The following USP25 variants were observed in gnomAD, a reference collection of about 807,000 sequenced individuals.
The protein encoded by USP25 is ubiquitin specific peptidase 25.
USP25 carries 85 observed loss-of-function variants against 158.5 expected under a neutral mutation model. The observed-to-expected ratio is 0.54, with a 90% CI of 0.45 to 0.64. USP25 has a LOEUF of 0.64. Ranked by LOEUF, USP25 falls within the 30% of genes least tolerant of loss-of-function variation. The pLI is 0.00. For missense variants in USP25, 1,242 were observed against 1,327.3 expected (o/e 0.94, Z 1.00); for synonymous variants, 464 against 460.4 (o/e 1.01, Z -0.10).
chr21:15,787,857 A>G (rs1210482553), intron 4 of USP25, among the ~76,000 whole-genome samples: 1 of 151,320 alleles, frequency 6.6e-6, no homozygotes, highest in Non-Finnish European at 1.5e-5. Context: ...TTACTGCTAT[A>G]GGCAATTTAA....
chr21:15,874,904 T>C (rs111271349), intron 24 of USP25, among the ~76,000 whole-genome samples: 12,108 of 152,224 alleles, frequency 0.08, 1,571 homozygotes, highest in African/African-American at 0.27. Flanking sequence ...CAGCAGCTCA[T>C]GCCTGTAATC....
At chr21:15,772,825 T>A (rs2034433634) in intron 3 of USP25, among the ~76,000 whole-genome samples, 1 of 152,170 alleles carries the variant, frequency 6.6e-6, no homozygotes, top group Admixed American at 6.5e-5. Context: ...ATGTGAGGTA[T>A]CTTTCAGGAT....
chr21:15,817,338 CT>C (rs2036993976), intron 9 of USP25, among the ~76,000 whole-genome samples: 1 of 152,028 alleles, frequency 6.6e-6, no homozygotes, highest in African/African-American at 2.4e-5. Context: ...AATTTTATCT[CT>C]TTTCTGTATT....
At chr21:15,799,578 T>C (rs1175971564) in intron 5 of USP25, 179 bp from the exon 6 acceptor site, 1 of 435,834 alleles carries the variant, frequency 2.3e-6, no homozygotes, top group African/African-American at 2.0e-5. Flanking sequence ...TCAAGAATGG[T>C]ATGTCAAATA....
intron 10 of USP25, among the ~76,000 whole-genome samples, chr21:15,822,406 T>TG (rs1445782471): frequency 6.6e-6 from 1 of 151,958 alleles, no homozygotes; most frequent in Non-Finnish European, 1.5e-5. Flanking sequence ...AACATCCTTT[T>TG]GTAAGGTATG....
At chr21:15,878,071 A>AT (rs2040169372) in intron 25 of USP25, 80 bp downstream of exon 25, 2 of 1,173,212 alleles carry the variant, frequency 1.7e-6, no homozygotes, top group Non-Finnish European at 2.4e-6. Context: ...TATTCTTGCC[A>AT]TTTTTTATAT....
chr21:15,747,876 T>A (rs1255060210), intron 1 of USP25, among the ~76,000 whole-genome samples: 1 of 152,266 alleles, frequency 6.6e-6, no homozygotes, highest in East Asian at 1.9e-4. Flanking sequence ...GGGAAACTAC[T>A]GTATATGTTT....
Position 15,816,660 on chromosome 21 carries a change from T to C in USP25, c.932-2038T>C, listed in dbSNP as rs1169805038. ...CTCATTCAGTGCCTTAATTTCCTGC[T>C]GTCAATAAGCCAGCAATTCTATCTT... On this transcript the variant is annotated intron_variant, in intron 9 of 25. Coordinates refer to ENST00000400183, the MANE Select transcript of USP25 (RefSeq NM_001283041.3). The surrounding 1 kb of genome is among the most constrained non-coding windows in gnomAD (Gnocchi z 4.0). 6.6e-6 allele frequency among the ~76,000 whole-genome samples: 1 copy of C among 152,228 alleles called. No homozygotes were observed. Among genetic ancestry groups the C allele is most frequent in the African/African-American group, 2.4e-5 (1 of 41,458 alleles).
At chr21:15,730,708 C>T (rs1230794310) in intron 1 of USP25, among the ~76,000 whole-genome samples, 4 of 152,240 alleles carry the variant, frequency 2.6e-5, no homozygotes, top group African/African-American at 9.6e-5. Flanking sequence ...GCGACCCTCA[C>T]ATTCCTACAG....
chr21:15,842,551 T>C lies in USP25; in HGVS notation c.2337+11T>C, dbSNP rs1327933797. On this transcript the variant is annotated intron_variant, in intron 18 of 25. Transcript: ENST00000400183. Reference sequence around the variant, plus strand: ...ACAGTTTTGCAGTCGGTAAGAACTTTTCTTTTGGCTCTCTGAACATAGCCA... The same window carrying C: ...ACAGTTTTGCAGTCGGTAAGAACTTCTCTTTTGGCTCTCTGAACATAGCCA... The C allele has an allele frequency of 6.2e-7, 1 of 1,612,374 alleles. No homozygotes were observed. Among genetic ancestry groups the C allele is most frequent in the Non-Finnish European group, 8.5e-7 (1 of 1,179,132 alleles).
At chr21:15,874,228 A>G (rs2040009732) in intron 23 of USP25, among the ~76,000 whole-genome samples, 175 bp from the exon 24 acceptor site, 1 of 152,122 alleles carries the variant, frequency 6.6e-6, no homozygotes, top group Admixed American at 6.5e-5. Flanking sequence ...TGGGTTTCAG[A>G]TGTTGCTGTT....
At chr21:15,740,084 A>C (rs2123206945) in intron 1 of USP25, among the ~76,000 whole-genome samples, 1 of 152,310 alleles carries the variant, frequency 6.6e-6, no homozygotes, top group Admixed American at 6.5e-5. Context: ...CTATAGGTTT[A>C]GATCAGTTTC....
In USP25 at chr21:15,831,499, G is replaced by T. The variant is rs752791211; in HGVS notation, c.1863G>T (p.Met621Ile). The T allele has an allele frequency of 1.9e-6, 3 of 1,614,110 alleles. No individual in the cohort carries two copies. The East Asian group carries it at 6.7e-5, about 36-fold the overall frequency. The change falls in exon 16 of 26, where the codon ATG (methionine) becomes ATT (isoleucine). Residue 621 changes from methionine (M) to isoleucine (I), a missense_variant. Met to Ile is a conservative substitution (Grantham distance 10). Coordinates refer to ENST00000400183, the MANE Select transcript of USP25 (RefSeq NM_001283041.3). ...YIFDHRESRW[M>I]KYNDIAVTKS... ...TTGATCATCGTGAAAGCAGATGGAT[G>T]AAGTACAATGATATTGCTGTGACAA...
At chr21:15,804,008 CT>C (rs1432601548) in intron 6 of USP25, among the ~76,000 whole-genome samples, 4 of 152,010 alleles carry the variant, frequency 2.6e-5, no homozygotes, top group South Asian at 2.1e-4. Context: ...TGTTTAATAT[CT>C]AAATTTTTTC....
At chr21:15,846,836 A>G (rs982841948) in intron 18 of USP25, among the ~76,000 whole-genome samples, 45 of 152,162 alleles carry the variant, frequency 3.0e-4, no homozygotes, top group Non-Finnish European at 4.9e-4. Context: ...TGAATGAATC[A>G]TATTAGTGTC....
At chr21:15,858,916 T>G (rs2039284339) in intron 20 of USP25, among the ~76,000 whole-genome samples, 1 of 151,852 alleles carries the variant, frequency 6.6e-6, no homozygotes, top group African/African-American at 2.4e-5. Context: ...TTAATACTTG[T>G]AAACCCTTAA....
intron 20 of USP25, among the ~76,000 whole-genome samples, chr21:15,858,863 T>C (rs1198970658): frequency 6.6e-6 from 1 of 151,934 alleles, no homozygotes; most frequent in Non-Finnish European, 1.5e-5. Flanking sequence ...AATTTAGAAA[T>C]TTTATAATAT....
intron 21 of USP25, 125 bp downstream of exon 21, chr21:15,864,571 A>T (rs966249127): frequency 7.7e-6 from 7 of 908,104 alleles, no homozygotes; most frequent in Non-Finnish European, 1.1e-5. Flanking sequence ...TAAATACGTA[A>T]CAAAATTTGA....
At chr21:15,770,610 T>C (rs1292484274) in intron 3 of USP25, among the ~76,000 whole-genome samples, 1 of 152,166 alleles carries the variant, frequency 6.6e-6, no homozygotes, top group East Asian at 1.9e-4. Flanking sequence ...CAGCTATTAT[T>C]AAAAACAGAA....
Sources: allele counts gnomAD v4.1 joint callset (sites outside exome capture counted in the v4.1 genomes callset), GRCh38; gene constraint gnomAD v4.1.1; non-coding constraint Gnocchi (gnomAD v3.1); transcripts MANE v1.5; gene names NCBI Gene and HGNC (gene_info 2026-07-23, HGNC 2026-07-21).